Variants in EPM2A observed in about 807,000 individuals in gnomAD.
EPM2A encodes the protein laforin.
Under a neutral mutation model 26.5 loss-of-function variants are expected in EPM2A, and 21 were observed. The observed-to-expected ratio is 0.79, with a 90% CI of 0.56 to 1.14. EPM2A has a LOEUF of 1.14. Among genes scored for constraint, EPM2A ranks in the 50% most tolerant of loss-of-function variants. EPM2A has a pLI of 0.00. For synonymous variants in EPM2A, 217 were observed against 177.6 expected, an observed-to-expected ratio of 1.22 and a Z score of -1.76; for missense variants, 458 against 440.8, an observed-to-expected ratio of 1.04 and a Z score of -0.35.
At chr6:145,691,257 A>G (rs1472067999) in intron 1 of EPM2A, among the ~76,000 whole-genome samples, 1 of 152,152 alleles carries the variant, frequency 6.6e-6, no homozygotes, top group Non-Finnish European at 1.5e-5. Flanking sequence ...AAAAGTAGCC[A>G]GAGAAAAACA....
downstream of EPM2A, among the ~76,000 whole-genome samples, chr6:145,496,728 A>ATGTTTTTTGTTTTTTT (rs779194973): frequency 9.4e-5 from 10 of 106,908 alleles, 1 homozygote; most frequent in Admixed American, 3.9e-4. Flanking sequence ...AGTTCCTGCA[A>ATGTTTTTTGTTTTTTT]TTTTTTTTTT....
At chr6:145,656,681 A>G (rs1449528706) in intron 2 of EPM2A, among the ~76,000 whole-genome samples, 2 of 151,496 alleles carry the variant, frequency 1.3e-5, no homozygotes, top group Non-Finnish European at 2.9e-5. Flanking sequence ...ATCATAGAAA[A>G]CGGTTGACAT....
intron 4 of EPM2A, among the ~76,000 whole-genome samples, chr6:145,392,423 TCTC>T (rs1778350524): frequency 6.6e-6 from 1 of 152,040 alleles, no homozygotes; most frequent in East Asian, 1.9e-4. Flanking sequence ...GTCTCCCCAT[TCTC>T]CTTCTACTGC....
In EPM2A at chr6:145,616,057, C is replaced by A. The variant is rs948836146; in HGVS notation, c.340+19188G>T. On this transcript the variant is annotated intron_variant, in intron 2 of 3. Coordinates refer to the EPM2A transcript ENST00000450221. ...TAATGAGGAACCAAATGTGAATACC[C>A]AAGACAATGGGGAAAATGTCTTCAG... Among the ~76,000 whole-genome samples the A allele has an allele frequency of 2.6e-5, 4 of 152,322 alleles. No individual in the cohort carries two copies. In the East Asian group the frequency reaches 5.8e-4, roughly 22 times the overall value.
At chr6:145,593,517 A>T (rs762969374) in intron 2 of EPM2A, among the ~76,000 whole-genome samples, 3 of 152,102 alleles carry the variant, frequency 2.0e-5, no homozygotes, top group African/African-American at 4.8e-5. Context: ...ACCATGACAG[A>T]TCATGTTCCA....
intron 2 of EPM2A, among the ~76,000 whole-genome samples, chr6:145,550,807 G>A (rs979008151): frequency 3.3e-5 from 5 of 151,804 alleles, no homozygotes; most frequent in Non-Finnish European, 7.4e-5. Context: ...CTATTTTATT[G>A]TAAGAATAAA....
At chr6:145,602,148 A>G (rs1004052690) in intron 2 of EPM2A, among the ~76,000 whole-genome samples, 1 of 152,132 alleles carries the variant, frequency 6.6e-6, no homozygotes, top group African/African-American at 2.4e-5. Flanking sequence ...AGTTAGATCA[A>G]TATTTGTTTT....
At position 145,733,858 on chromosome 6, in the gene EPM2A, A is replaced by AT. The variant is rs201492473; in HGVS notation, c.301+1339dup. Among the ~76,000 whole-genome samples the AT allele has an allele frequency of 1.3e-3, 201 of 149,554 alleles. 1 individual carries two copies. The highest frequency in any genetic ancestry group is 3.9e-3 in the African/African-American group (160 of 40,894). On this transcript the variant is annotated intron_variant, in intron 1 of 3. Transcript: ENST00000367519. ...TACATCATTACAGGCTAAATGGCCC[A>AT]TTTTTTTTTTCATATAAACTTCTAA...
At chr6:145,691,243 T>C (rs1781262919) in intron 1 of EPM2A, among the ~76,000 whole-genome samples, 1 of 147,786 alleles carries the variant, frequency 6.8e-6, no homozygotes, top group Admixed American at 6.7e-5. Context: ...ACAGAGAAAA[T>C]CATAAAAGTA....
At chr6:145,492,622 G>T (rs1408731664) in intron 4 of EPM2A, among the ~76,000 whole-genome samples, 2 of 152,196 alleles carry the variant, frequency 1.3e-5, no homozygotes, top group Admixed American at 6.5e-5. Context: ...TTTTATTGCT[G>T]ATGAAAGTGG....
intron 2 of EPM2A, among the ~76,000 whole-genome samples, chr6:145,572,318 G>A (rs1397915410): frequency 6.6e-6 from 1 of 152,168 alleles, no homozygotes; most frequent in Non-Finnish European, 1.5e-5. Flanking sequence ...AAGGCCATTG[G>A]TGCAGGCTGG....
intron 4 of EPM2A, among the ~76,000 whole-genome samples, chr6:145,406,111 C>T (rs762853162): frequency 9.9e-5 from 15 of 151,870 alleles, no homozygotes; most frequent in Admixed American, 4.6e-4. Context: ...AGGTTATTAC[C>T]GCAGGCTCTG....
chr6:145,400,873 G>T (rs1778475297), intron 4 of EPM2A, among the ~76,000 whole-genome samples: 1 of 152,056 alleles, frequency 6.6e-6, no homozygotes. Context: ...CCCGCCTACA[G>T]GTTGTTACAC....
intron 4 of EPM2A, among the ~76,000 whole-genome samples, chr6:145,436,100 C>A (rs1227673432): frequency 6.6e-6 from 1 of 152,176 alleles, no homozygotes; most frequent in Non-Finnish European, 1.5e-5. Context: ...TCTGCCTATT[C>A]ATCTCTCCTT....
At chr6:145,710,814 C>T (rs1411347755) in intron 1 of EPM2A, among the ~76,000 whole-genome samples, 1 of 151,968 alleles carries the variant, frequency 6.6e-6, no homozygotes, top group Non-Finnish European at 1.5e-5. Context: ...AGTTCATGTC[C>T]TTTGTAGTGA....
intron 2 of EPM2A, among the ~76,000 whole-genome samples, chr6:145,554,077 A>T (rs1780689417): frequency 6.6e-6 from 1 of 151,882 alleles, no homozygotes; most frequent in Non-Finnish European, 1.5e-5. Flanking sequence ...TCCAAATTCT[A>T]AAGCAAATAT....
intron 2 of EPM2A, among the ~76,000 whole-genome samples, chr6:145,675,715 T>C (rs1376891044): frequency 6.6e-6 from 1 of 152,130 alleles, no homozygotes; most frequent in Non-Finnish European, 1.5e-5. Context: ...AGGGATCAAT[T>C]CAACAAGAAG....
intron 2 of EPM2A, among the ~76,000 whole-genome samples, chr6:145,577,078 C>T (rs1202989653): frequency 1.3e-5 from 2 of 151,196 alleles, no homozygotes; most frequent in South Asian, 2.1e-4. Flanking sequence ...TCTGCCAGAA[C>T]AAAATCACTT....
At chr6:145,673,894 C>T (rs540207757) in intron 2 of EPM2A, among the ~76,000 whole-genome samples, 113 of 152,340 alleles carry the variant, frequency 7.4e-4, no homozygotes, top group African/African-American at 2.4e-3. Context: ...CAGACTTAAA[C>T]ATCCCTGTCT....
Sources: gnomAD v4.1 joint callset for allele counts (sites outside exome capture counted in the v4.1 genomes callset) on GRCh38, gnomAD v4.1.1 for gene constraint, MANE v1.5 for transcripts, NCBI Gene and HGNC (gene_info 2026-07-23, HGNC 2026-07-21) for gene names.